Variants in CALN1 observed in about 807,000 individuals in gnomAD.
CALN1 encodes the protein calcium-binding protein 8.
A neutral mutation model predicts 30.6 loss-of-function variants in CALN1; 17 were observed. That is an observed-to-expected ratio of 0.56 (90% confidence interval 0.38 to 0.83). The LOEUF is 0.83. CALN1 is among the 40% of genes least tolerant of loss of function. The probability of loss-of-function intolerance (pLI) is 0.00; values close to 1 mark genes in which losing one functional copy is unlikely to be tolerated. For missense variants in CALN1, 291 were observed against 354.9 expected (o/e 0.82, Z 1.45); for synonymous variants, 156 against 131.4 (o/e 1.19, Z -1.28).
At chr7:72,044,049 C>T (rs889571742) in intron 4 of CALN1, among the ~76,000 whole-genome samples, 1 of 151,934 alleles carries the variant, frequency 6.6e-6, no homozygotes, top group African/African-American at 2.4e-5. Context: ...CACCATGATT[C>T]AATTACCTCC....
chr7:72,408,856 T>C (rs1806897407), intron 1 of CALN1, among the ~76,000 whole-genome samples: 1 of 151,724 alleles, frequency 6.6e-6, no homozygotes, highest in African/African-American at 2.4e-5. Context: ...TTTTGTATTT[T>C]TTGTAGAGAT....
rs1371414015 is a variant in CALN1, at chr7:71,781,162, A to G, written c.*6613T>C. 6.6e-6 allele frequency: 1 copy of G among 152,218 alleles called. No individual in the cohort carries two copies. Among genetic ancestry groups the G allele is most frequent in the Non-Finnish European group, 1.5e-5 (1 of 68,054 alleles). 9.4% of individuals were successfully genotyped at this position (152,218 alleles called of 1,614,324 possible). ...ATTCACTCCATCTTGTTTCAGACAA[A>G]ATAGATGGGAGGGCTTGTCTGGTTT... On this transcript the variant is annotated 3_prime_UTR_variant, in exon 7 of 7. Coordinates refer to ENST00000395275, the MANE Select transcript of CALN1 (RefSeq NM_031468.4).
intron 3 of CALN1, among the ~76,000 whole-genome samples, chr7:72,147,121 A>T (rs2129543847): frequency 6.6e-6 from 1 of 152,334 alleles, no homozygotes; most frequent in South Asian, 2.1e-4. Flanking sequence ...GACAAATGGG[A>T]TCTAATTAAA....
At chr7:72,040,457 T>A (rs1249753582) in intron 4 of CALN1, among the ~76,000 whole-genome samples, 1 of 152,084 alleles carries the variant, frequency 6.6e-6, no homozygotes, top group Non-Finnish European at 1.5e-5. Context: ...TGCACCCCAG[T>A]ATGGGCAACA....
At chr7:72,407,802 G>A (rs541099330) in intron 1 of CALN1, among the ~76,000 whole-genome samples, 1 of 152,168 alleles carries the variant, frequency 6.6e-6, no homozygotes, top group Admixed American at 6.5e-5. Flanking sequence ...CGCTGGACTG[G>A]ACACAGGGCC....
At chr7:72,456,393 C>T in the CALN1 span, among the ~76,000 whole-genome samples, 1 of 151,864 alleles carries the variant, frequency 6.6e-6, no homozygotes, top group African/African-American at 2.4e-5. Context: ...AATAAATAAG[C>T]CAAGAATGGT....
chr7:72,345,482 G>A (rs1383096532), intron 2 of CALN1, among the ~76,000 whole-genome samples: 3 of 148,228 alleles, frequency 2.0e-5, no homozygotes, highest in African/African-American at 7.5e-5. Context: ...GGGAAGGGAA[G>A]GGAAGGGAGA....
At chr7:72,209,165 A>C (rs1327136129) in intron 3 of CALN1, among the ~76,000 whole-genome samples, 19 of 15,492 alleles carry the variant, frequency 1.2e-3, no homozygotes, top group Non-Finnish European at 2.0e-3. Context: ...TTCTCCCTTG[A>C]CTTCTTCCTT....
intron 1 of CALN1, among the ~76,000 whole-genome samples, chr7:72,431,845 C>CAAAAAAAAAAAAAA (rs1168420802): frequency 2.0e-5 from 2 of 100,872 alleles, no homozygotes; most frequent in Non-Finnish European, 3.9e-5. Context: ...ACCTCATCTC[C>CAAAAAAAAAAAAAA]AAAAAAAAAA....
At chr7:72,499,901 C>CTCTT in the CALN1 span, among the ~76,000 whole-genome samples, 1 of 44,398 alleles carries the variant, frequency 2.3e-5, no homozygotes, top group African/African-American at 1.3e-4. Context: ...TTCTTTCTTT[C>CTCTT]TTTCTTTCTT....
At chr7:72,149,252 G>A (rs566787864) in intron 3 of CALN1, among the ~76,000 whole-genome samples, 1 of 152,166 alleles carries the variant, frequency 6.6e-6, no homozygotes, top group African/African-American at 2.4e-5. Flanking sequence ...GATCACTTGA[G>A]AGGTCAGGAA....
At chr7:71,834,606 A>T (rs1206682356) in intron 5 of CALN1, among the ~76,000 whole-genome samples, 2 of 152,122 alleles carry the variant, frequency 1.3e-5, no homozygotes, top group Non-Finnish European at 2.9e-5. Context: ...TTTTTTTCTT[A>T]GAAGCCCAAA....
At chr7:72,410,184 G>A (rs1359295812) in intron 1 of CALN1, among the ~76,000 whole-genome samples, 2 of 152,130 alleles carry the variant, frequency 1.3e-5, no homozygotes, top group African/African-American at 4.8e-5. Context: ...TGCATTTGCT[G>A]GAACATGAGA....
intron 6 of CALN1, among the ~76,000 whole-genome samples, chr7:71,807,316 C>T (rs1787679492): frequency 1.3e-5 from 2 of 152,196 alleles, no homozygotes; most frequent in South Asian, 4.1e-4. Flanking sequence ...AGCAGGTAGA[C>T]TCAGGAACTC....
chr7:72,494,267 A>G, the CALN1 span, among the ~76,000 whole-genome samples: 1 of 152,222 alleles, frequency 6.6e-6, no homozygotes, highest in Non-Finnish European at 1.5e-5. Flanking sequence ...GATGCACAAC[A>G]CTGCCCTCTG....
At chr7:71,928,366 T>C (rs1795375507) in intron 5 of CALN1, among the ~76,000 whole-genome samples, 1 of 151,582 alleles carries the variant, frequency 6.6e-6, no homozygotes, top group African/African-American at 2.4e-5. Flanking sequence ...TCCTTGGGAA[T>C]GCCTATCTTT....
intron 5 of CALN1, among the ~76,000 whole-genome samples, chr7:72,005,485 T>C (rs1003625506): frequency 1.3e-5 from 2 of 151,948 alleles, no homozygotes; most frequent in Non-Finnish European, 1.5e-5. Flanking sequence ...CACACCACCA[T>C]GCCCAGCTAA....
intron 3 of CALN1, among the ~76,000 whole-genome samples, chr7:72,242,248 C>G (rs1471527970): frequency 6.6e-6 from 1 of 152,188 alleles, no homozygotes; most frequent in African/African-American, 2.4e-5. Flanking sequence ...CATTCAATGG[C>G]TATACCACAT....
At chr7:72,204,295 A>G (rs1248110971) in intron 3 of CALN1, among the ~76,000 whole-genome samples, 1 of 151,858 alleles carries the variant, frequency 6.6e-6, no homozygotes, top group African/African-American at 2.4e-5. Flanking sequence ...GCACCCAGCC[A>G]AAGCCAAGAG....
Sources: gnomAD v4.1 joint callset for allele counts (sites outside exome capture counted in the v4.1 genomes callset) on GRCh38, gnomAD v4.1.1 for gene constraint, MANE v1.5 for transcripts, NCBI Gene and HGNC (gene_info 2026-07-23, HGNC 2026-07-21) for gene names.